BFSP2: variants seen among roughly 807,000 people sequenced by gnomAD.
BFSP2 encodes the protein beaded filament structural protein 2, also known as phakinin.
A neutral mutation model predicts 44.9 loss-of-function variants in BFSP2; 38 were observed. That is an observed-to-expected ratio of 0.85 (90% CI 0.65 to 1.11). The LOEUF is 1.11. Ranked by LOEUF, BFSP2 falls within the 50% of genes least tolerant of loss-of-function variation. The pLI is 0.00. For missense variants in BFSP2, 525 were observed against 533.0 expected, an observed-to-expected ratio of 0.99 and a Z score of 0.15; for synonymous variants, 197 against 209.9, an observed-to-expected ratio of 0.94 and a Z score of 0.53.
chr3:133,422,105 C>CAAAAAAAA lies in BFSP2; in HGVS notation c.489+21547_489+21554dup, dbSNP rs35193779. ...CTGGCAACAAAGCGAGACTCCATCT[C>CAAAAAAAA]AAAAAAAAAAAAAAAAAAAAATCCA... On this transcript the variant is annotated intron_variant, in intron 1 of 6. Transcript: ENST00000302334. 2.3e-4 allele frequency among the ~76,000 whole-genome samples: 19 copies of CAAAAAAAA among 84,074 alleles called. 2 individuals carry two copies. Among genetic ancestry groups the CAAAAAAAA allele is most frequent in the African/African-American group, 8.6e-4 (15 of 17,394 alleles). 55.2% of individuals were successfully genotyped at this position (84,074 alleles called of 152,430 possible). A position where few individuals can be genotyped will look rare whatever the true frequency, so the allele number is the denominator to read the frequency against.
At position 133,400,534 on chromosome 3, in the gene BFSP2, G is replaced by A; in HGVS notation, c.451G>A (p.Gly151Ser). 1 of 1,612,840 alleles carries A rather than the reference G, an allele frequency of 6.2e-7. No individual in the cohort carries two copies. The highest frequency in any genetic ancestry group is 1.1e-5 in the South Asian group (1 of 90,938). ...CAAAGCCACACGCTCGGGAAACTGG[G>A]GTGCCCTACGGGCTTCCTGGGCCAG... ...ESKATRSGNWGALRASWASSC... is the reference protein window; with the variant it reads ...ESKATRSGNWSALRASWASSC... The change falls in exon 1 of 7, where the codon GGT (glycine) becomes AGT (serine). Residue 151 changes from glycine to serine, a missense_variant. By Grantham distance (56) the Gly-to-Ser change is moderately conservative (BLOSUM62 0). Transcript: ENST00000302334. The surrounding 1 kb of genome is among the most constrained non-coding windows in gnomAD (Gnocchi z 4.0).
In BFSP2 at chr3:133,448,515, A is replaced by AG. The variant is rs1395640604; in HGVS notation, c.601dup (p.Ala201GlyfsTer7). ...TATGAAAATGAGCAGCCATTTCGAA[A>AG]GGCGGCAGAAGAGGAAATTAACTCT... On this transcript the variant is annotated frameshift_variant, in exon 3 of 7. Coordinates refer to ENST00000302334, the MANE Select transcript of BFSP2 (RefSeq NM_003571.4). LOFTEE classifies it high-confidence loss of function. 6.2e-7 allele frequency: 1 copy of AG among 1,613,936 alleles called. No individual in the cohort carries two copies. Among genetic ancestry groups the AG allele is most frequent in the African/African-American group, 1.3e-5 (1 of 74,944 alleles).
At chr3:133,460,408 G>C (rs144592504) in intron 4 of BFSP2, among the ~76,000 whole-genome samples, 2 of 152,132 alleles carry the variant, frequency 1.3e-5, no homozygotes, top group African/African-American at 4.8e-5. Context: ...TGAATGGGGG[G>C]ACCTTAATTT....
intron 1 of BFSP2, among the ~76,000 whole-genome samples, chr3:133,444,290 G>T (rs1023286223): frequency 6.6e-5 from 10 of 152,108 alleles, no homozygotes; most frequent in African/African-American, 2.4e-5. Flanking sequence ...TACCGTTCAT[G>T]CAATATTTAC....
chr3:133,434,022 A>G (rs2073756030), intron 1 of BFSP2, among the ~76,000 whole-genome samples: 1 of 152,130 alleles, frequency 6.6e-6, no homozygotes. Context: ...TCAACTACTC[A>G]TACATGCCCT....
intron 1 of BFSP2, among the ~76,000 whole-genome samples, chr3:133,426,552 C>T (rs1183576072): frequency 2.6e-5 from 4 of 152,224 alleles, no homozygotes; most frequent in African/African-American, 4.8e-5. Flanking sequence ...TCAAATCCCA[C>T]GATATTCCCA....
chr3:133,457,613 T>C (rs1486205885), intron 4 of BFSP2, among the ~76,000 whole-genome samples: 1 of 152,240 alleles, frequency 6.6e-6, no homozygotes, highest in Non-Finnish European at 1.5e-5. Flanking sequence ...TTTATGACTG[T>C]ATGATATTAT....
intron 1 of BFSP2, among the ~76,000 whole-genome samples, chr3:133,433,586 G>C (rs2073750987): frequency 6.6e-6 from 1 of 152,196 alleles, no homozygotes; most frequent in Non-Finnish European, 1.5e-5. Context: ...GATAGGTAGA[G>C]TCCTTTCCTA....
Position 133,450,423 on chromosome 3 carries a change from G to A in BFSP2, c.850G>A (p.Glu284Lys), listed in dbSNP as rs1482375595. Reference protein sequence around the residue: ...TIRIQWERDVEKNRVEAGALL... With the variant: ...TIRIQWERDVKKNRVEAGALL... The stretch of plus-strand genomic sequence containing the variant: ...CAGAATTCAGTGGGAGAGAGATGTT[G>A]AAAAGAACCGGGTGGAGGCAGGAGC... The change falls in exon 4 of 7, where the codon GAA becomes AAA. Residue 284 changes from glutamate to lysine, a missense_variant. Transcript: ENST00000302334. 1 of 1,614,172 alleles carries A rather than the reference G, an allele frequency of 6.2e-7. No homozygotes were observed. Among genetic ancestry groups the A allele is most frequent in the Non-Finnish European group, 8.5e-7 (1 of 1,180,024 alleles).
At chr3:133,415,170 C>A (rs1346562652) in intron 1 of BFSP2, among the ~76,000 whole-genome samples, 1 of 104,640 alleles carries the variant, frequency 9.6e-6, no homozygotes, top group Non-Finnish European at 1.9e-5. Context: ...TCCCCATCCT[C>A]TCCCCTCTAC....
At chr3:133,432,530 A>G (rs1169990776) in intron 1 of BFSP2, among the ~76,000 whole-genome samples, 3 of 151,968 alleles carry the variant, frequency 2.0e-5, no homozygotes, top group Non-Finnish European at 2.9e-5. Context: ...CTTTCTCATG[A>G]TTTACTTTCT....
chr3:133,421,922 C>T (rs1207838087), intron 1 of BFSP2, among the ~76,000 whole-genome samples: 11 of 151,940 alleles, frequency 7.2e-5, no homozygotes, highest in Non-Finnish European at 1.3e-4. Context: ...TCCTGGCCTA[C>T]GTGGTGAAAA....
At chr3:133,410,341 G>T in intron 1 of BFSP2, 1 of 350,202 alleles carries the variant, frequency 2.9e-6, no homozygotes, top group Non-Finnish European at 5.5e-6. Flanking sequence ...TAACAGTCGT[G>T]GCCAGAGACA....
At chr3:133,448,759 C>A in intron 3 of BFSP2, 114 bp downstream of exon 3, 1 of 1,362,816 alleles carries the variant, frequency 7.3e-7, no homozygotes, top group Non-Finnish European at 1.0e-6. Flanking sequence ...ACATTGCGTG[C>A]CCAGGACTGC....
chr3:133,431,770 T>G (rs187737185), intron 1 of BFSP2, among the ~76,000 whole-genome samples: 2 of 152,276 alleles, frequency 1.3e-5, no homozygotes, highest in African/African-American at 4.8e-5. Flanking sequence ...TTGTGGGTAT[T>G]GACAGCCAGG....
intron 1 of BFSP2, among the ~76,000 whole-genome samples, chr3:133,426,587 A>G (rs1212400014): frequency 6.6e-6 from 1 of 152,240 alleles, no homozygotes; most frequent in Non-Finnish European, 1.5e-5. Context: ...TGGATTCCAA[A>G]AAGCAAAGGG....
intron 5 of BFSP2, among the ~76,000 whole-genome samples, chr3:133,470,698 C>A (rs377232163): frequency 1.3e-5 from 2 of 152,190 alleles, no homozygotes; most frequent in Admixed American, 1.3e-4. Flanking sequence ...TACCAAGAAC[C>A]TATTCTGTGC....
At chr3:133,420,044 G>T (rs1360716766) in intron 1 of BFSP2, among the ~76,000 whole-genome samples, 1 of 152,184 alleles carries the variant, frequency 6.6e-6, no homozygotes, top group Non-Finnish European at 1.5e-5. Flanking sequence ...CCAGTGGTAG[G>T]GGCCAAGATG....
At chr3:133,473,330 T>C (rs914253923) in intron 6 of BFSP2, among the ~76,000 whole-genome samples, 4 of 151,622 alleles carry the variant, frequency 2.6e-5, no homozygotes, top group Non-Finnish European at 5.9e-5. Context: ...CATGACAACA[T>C]TGGCTTTTTG....
Sources: allele counts gnomAD v4.1 joint callset (sites outside exome capture counted in the v4.1 genomes callset), GRCh38; gene constraint gnomAD v4.1.1; non-coding constraint Gnocchi (gnomAD v3.1); transcripts MANE v1.5; gene names NCBI Gene and HGNC (gene_info 2026-07-23, HGNC 2026-07-21).